Variants in CNTN1 observed in about 807,000 individuals in gnomAD.
The protein encoded by CNTN1 is contactin 1.
A neutral mutation model predicts 126.4 loss-of-function variants in CNTN1; 38 were observed. The observed-to-expected ratio is 0.30, with a 90% CI of 0.23 to 0.39. The LOEUF (loss-of-function observed/expected upper bound fraction) is 0.39, where lower values mean the gene tolerates loss of function less well. Ranked by LOEUF, CNTN1 falls within the 10% of genes least tolerant of loss-of-function variation. The probability of loss-of-function intolerance (pLI) is 1.00; values close to 1 mark genes in which losing one functional copy is unlikely to be tolerated. For missense variants in CNTN1, 1,009 were observed against 1,248.4 expected (o/e 0.81, Z 2.89); for synonymous variants, 413 against 422.6 (o/e 0.98, Z 0.28).
Position 40,980,978 on chromosome 12 carries a change from G to A in CNTN1, c.1874G>A (p.Ser625Asn). The change falls in exon 16 of 24, where the codon AGC becomes AAC. Residue 625 changes from serine (S) to asparagine (N), a missense_variant. Ser to Asn is a conservative substitution (Grantham distance 46). Coordinates refer to ENST00000551295, the MANE Select transcript of CNTN1 (RefSeq NM_001843.4). ...GCCACTTCTGTGGCACTTACTTGGA[G>A]CCGTGGTTCAGACAATCATAGTCCT... ...IRATSVALTW[S>N]RGSDNHSPIS... 2 of 1,613,922 alleles carry A rather than the reference G, an allele frequency of 1.2e-6. No homozygotes were observed. Among genetic ancestry groups the A allele is most frequent in the Non-Finnish European group, 1.7e-6 (2 of 1,179,862 alleles).
At chr12:40,826,032 A>T (rs970778509) in intron 1 of CNTN1, among the ~76,000 whole-genome samples, 1 of 152,164 alleles carries the variant, frequency 6.6e-6, no homozygotes, top group Admixed American at 6.6e-5. Context: ...CTGAAGAAAG[A>T]GGGACTAAGC....
intron 1 of CNTN1, among the ~76,000 whole-genome samples, chr12:40,806,552 C>T (rs1388702908): frequency 6.6e-6 from 1 of 152,090 alleles, no homozygotes; most frequent in African/African-American, 2.4e-5. Context: ...CCAAATGGAC[C>T]ACCAGTGGGG....
intron 6 of CNTN1, among the ~76,000 whole-genome samples, chr12:40,926,203 A>AGATAGATAGATAGATAGAT (rs1565964420): frequency 6.6e-6 from 1 of 151,732 alleles, no homozygotes; most frequent in East Asian, 1.9e-4. Flanking sequence ...ATAGATAGAT[A>AGATAGATAGATAGATAGAT]GATAGATAGA....
chr12:41,049,406 T>C (rs912680183), intron 23 of CNTN1, among the ~76,000 whole-genome samples: 13 of 152,258 alleles, frequency 8.5e-5, no homozygotes, highest in Non-Finnish European at 1.8e-4. Flanking sequence ...TTTACCCATC[T>C]CAATAAAGTA....
chr12:40,750,701 A>G (rs564242036), intron 1 of CNTN1, among the ~76,000 whole-genome samples: 2 of 152,208 alleles, frequency 1.3e-5, no homozygotes, highest in African/African-American at 4.8e-5. Context: ...GAATCAGAAA[A>G]GAGGAAAAAT....
intron 1 of CNTN1, among the ~76,000 whole-genome samples, chr12:40,829,633 C>T: frequency 6.6e-6 from 1 of 152,066 alleles, no homozygotes; most frequent in Non-Finnish European, 1.5e-5. Flanking sequence ...AGGTGTTGTG[C>T]ACAGAACTCC....
At chr12:40,874,124 T>C (rs1166355223) in intron 1 of CNTN1, among the ~76,000 whole-genome samples, 2 of 152,106 alleles carry the variant, frequency 1.3e-5, no homozygotes, top group African/African-American at 4.8e-5. Context: ...TCCCAACCCA[T>C]GTATTCTTGG....
intron 1 of CNTN1, among the ~76,000 whole-genome samples, chr12:40,727,801 A>C (rs1942397614): frequency 1.3e-5 from 2 of 152,234 alleles, no homozygotes; most frequent in Admixed American, 1.3e-4. Flanking sequence ...AGGCCTTCCC[A>C]GATGCAAGTG....
chr12:40,945,491 A>G (rs984171694), intron 14 of CNTN1, among the ~76,000 whole-genome samples: 1 of 152,110 alleles, frequency 6.6e-6, no homozygotes, highest in Non-Finnish European at 1.5e-5. Context: ...AGTAAAGTCT[A>G]GAAGTTCCAC....
intron 12 of CNTN1, among the ~76,000 whole-genome samples, chr12:40,941,658 A>G (rs886419303): frequency 2.6e-5 from 4 of 152,064 alleles, no homozygotes; most frequent in Non-Finnish European, 4.4e-5. Flanking sequence ...ATGGATTGCT[A>G]TTAGCTCTAA....
intron 1 of CNTN1, among the ~76,000 whole-genome samples, chr12:40,872,324 T>C (rs1358820481): frequency 1.3e-5 from 2 of 151,820 alleles, no homozygotes; most frequent in African/African-American, 2.4e-5. Context: ...TTTTAGTGTA[T>C]AGTTATGTCA....
intron 3 of CNTN1, among the ~76,000 whole-genome samples, chr12:40,911,452 A>G (rs970306276): frequency 1.3e-5 from 2 of 152,140 alleles, no homozygotes; most frequent in African/African-American, 4.8e-5. Context: ...CCCCTGATAA[A>G]CCCATCAGGT....
chr12:40,935,875 A>C (rs572084595), intron 9 of CNTN1, among the ~76,000 whole-genome samples: 10 of 152,136 alleles, frequency 6.6e-5, no homozygotes, highest in Non-Finnish European at 1.5e-4. Flanking sequence ...CTAGTTTTTA[A>C]ATTTCTAGTA....
intron 1 of CNTN1, among the ~76,000 whole-genome samples, chr12:40,703,118 A>T (rs922431512): frequency 3.9e-5 from 6 of 152,144 alleles, no homozygotes; most frequent in Admixed American, 1.3e-4. Flanking sequence ...CATGAATAAG[A>T]ATGTCTGCTT....
intron 6 of CNTN1, among the ~76,000 whole-genome samples, chr12:40,927,153 T>C (rs1305918605): frequency 5.9e-5 from 9 of 152,090 alleles, no homozygotes; most frequent in Non-Finnish European, 1.2e-4. Context: ...TATCTACCGA[T>C]AAAAGCAACA....
intron 1 of CNTN1, among the ~76,000 whole-genome samples, chr12:40,739,112 G>T (rs1296942178): frequency 6.6e-6 from 1 of 151,996 alleles, no homozygotes; most frequent in African/African-American, 2.4e-5. Flanking sequence ...CTCCTCAGGG[G>T]ATTCTAGTGT....
Position 41,070,004 on chromosome 12 carries a change from C to T in CNTN1, c.3026C>T (p.Ala1009Val). 1 of 1,614,022 alleles carries T rather than the reference C, an allele frequency of 6.2e-7. No homozygotes were observed. Among genetic ancestry groups the T allele is most frequent in the Non-Finnish European group, 8.5e-7 (1 of 1,179,976 alleles). The stretch of plus-strand genomic sequence containing the variant: ...AGTCTTCTCGGCTTACTGCTGCCTG[C>T]CTTTGGCATCCTTGTCTACTTGGAA... ...SPSLLGLLLP[A>V]FGILVYLEF The change falls in exon 24 of 24, where the codon GCC becomes GTC. Residue 1009 changes from alanine (A) to valine (V), a missense_variant. By Grantham distance (64) the Ala-to-Val change is moderately conservative. Transcript: ENST00000551295.
intron 1 of CNTN1, among the ~76,000 whole-genome samples, chr12:40,750,468 A>C (rs1938364394): frequency 6.6e-6 from 1 of 151,996 alleles, no homozygotes; most frequent in South Asian, 2.1e-4. Context: ...GTGATATTTG[A>C]AAGTTCTCTT....
At chr12:40,728,837 G>C (rs1942424131) in intron 1 of CNTN1, 1 of 152,198 alleles carries the variant, frequency 6.6e-6, no homozygotes, top group Non-Finnish European at 1.5e-5. Flanking sequence ...CAGGTGGCTG[G>C]AGTCCCCAGG....
Sources: gnomAD v4.1 joint callset for allele counts (sites outside exome capture counted in the v4.1 genomes callset) on GRCh38, gnomAD v4.1.1 for gene constraint, MANE v1.5 for transcripts, NCBI Gene and HGNC (gene_info 2026-07-23, HGNC 2026-07-21) for gene names.